The following CD2AP variants were observed in gnomAD, a reference collection of about 807,000 sequenced individuals.
The protein encoded by CD2AP is CD2-associated protein.
CD2AP carries 46 observed loss-of-function variants against 85.1 expected under a neutral mutation model. The observed-to-expected ratio is 0.54, with a 90% confidence interval of 0.43 to 0.69. The LOEUF is 0.69. Ranked by LOEUF, CD2AP falls within the 30% of genes least tolerant of loss-of-function variation. The pLI is 0.00. For missense variants in CD2AP, 769 were observed against 729.5 expected (o/e 1.05, Z -0.62); for synonymous variants, 255 against 252.9 (o/e 1.01, Z -0.08).
At chr6:47,513,472 T>G (rs1766370808) in intron 2 of CD2AP, among the ~76,000 whole-genome samples, 1 of 152,138 alleles carries the variant, frequency 6.6e-6, no homozygotes, top group African/African-American at 2.4e-5. Context: ...GCAAACTCTA[T>G]TTTTTATATA....
rs147418998 is a variant in CD2AP at position 47,523,170 on chromosome 6, C to G, written c.166-10432C>G. Reference sequence around the variant, plus strand: ...AAATGTATTGACGACTTTAATAGAACAATTCAAGAGCTAGCTTTATAATAG... The same window carrying G: ...AAATGTATTGACGACTTTAATAGAAGAATTCAAGAGCTAGCTTTATAATAG... On this transcript the variant is annotated intron_variant, in intron 2 of 17. Transcript: ENST00000359314. Among the ~76,000 whole-genome samples, 6 of 152,120 alleles carry G rather than the reference C, an allele frequency of 3.9e-5. No individual in the cohort carries two copies. The East Asian group carries it at 1.2e-3, about 29-fold the overall frequency.
At chr6:47,587,940 C>A (rs1332629224) in intron 11 of CD2AP, among the ~76,000 whole-genome samples, 4 of 152,072 alleles carry the variant, frequency 2.6e-5, no homozygotes, top group African/African-American at 9.7e-5. Flanking sequence ...CTTCTGAATT[C>A]TATTATTGTA....
At position 47,612,526 on chromosome 6, in the gene CD2AP, G is replaced by C; in HGVS notation, c.1868G>C (p.Ser623Thr). Residue 623 changes from serine (S) to threonine (T), a missense_variant, in exon 17 of 18, where the codon AGT becomes ACT. Transcript: ENST00000359314. ...KDLEEEKTMR[S>T]NLEMEIEKLK... The stretch of plus-strand genomic sequence containing the variant: ...TTGGAAGAAGAGAAGACAATGAGAA[G>C]TAATCTAGAGGTAATTAATTTCTTC... 1 of 1,605,402 alleles carries C rather than the reference G, an allele frequency of 6.2e-7. No individual in the cohort carries two copies. Among genetic ancestry groups the C allele is most frequent in the Non-Finnish European group, 8.5e-7 (1 of 1,172,574 alleles).
chr6:47,550,124 A>C (rs1039176205), intron 4 of CD2AP, among the ~76,000 whole-genome samples: 1 of 152,176 alleles, frequency 6.6e-6, no homozygotes, highest in African/African-American at 2.4e-5. Flanking sequence ...ATAACATTGG[A>C]AAAACCCTTC....
At chr6:47,484,761 A>C (rs1221945177) in intron 1 of CD2AP, among the ~76,000 whole-genome samples, 1 of 152,210 alleles carries the variant, frequency 6.6e-6, no homozygotes, top group Non-Finnish European at 1.5e-5. Flanking sequence ...TATCTGTTTT[A>C]GTGCCTTATT....
chr6:47,624,307 ATTGTGAATTCTGTTG>A lies in CD2AP; in HGVS notation c.*87_*101del. On this transcript the variant is annotated 3_prime_UTR_variant, in exon 18 of 18. Transcript: ENST00000359314. ...ACTTCAGCTGACTTGTTACTTAAAA[ATTGTGAATTCTGTTG>A]TTGTGATAAATATGAGCAAATGAAG... 9.1e-7 allele frequency: 1 copy of A among 1,095,718 alleles called. No individual in the cohort carries two copies. The highest frequency in any genetic ancestry group is 1.4e-6 in the Non-Finnish European group (1 of 711,216). The allele number at this position is 1,095,718 out of a possible 1,614,324, so 67.9% of individuals were successfully genotyped here.
chr6:47,539,156 CATA>C (rs1366078332), intron 3 of CD2AP, among the ~76,000 whole-genome samples: 1 of 152,094 alleles, frequency 6.6e-6, no homozygotes, highest in Non-Finnish European at 1.5e-5. Context: ...AGATGATAGT[CATA>C]ATTTTCTTGT....
chr6:47,570,730 T>C (rs1381361991), intron 5 of CD2AP, among the ~76,000 whole-genome samples: 2 of 152,166 alleles, frequency 1.3e-5, no homozygotes, highest in African/African-American at 4.8e-5. Context: ...AGCAATCCTG[T>C]GAAGTTCCCC....
intron 16 of CD2AP, among the ~76,000 whole-genome samples, chr6:47,611,807 G>A (rs544134004): frequency 3.0e-4 from 46 of 151,710 alleles, no homozygotes; most frequent in Non-Finnish European, 5.7e-4. Context: ...AAAAAACCTC[G>A]ATATTTGAAT....
At chr6:47,525,321 C>T (rs1178507421) in intron 2 of CD2AP, among the ~76,000 whole-genome samples, 1 of 151,954 alleles carries the variant, frequency 6.6e-6, no homozygotes, top group Non-Finnish European at 1.5e-5. Context: ...TTCTGGAAAT[C>T]CTGAATGTTA....
rs868503079 is a variant in CD2AP, at chr6:47,624,409, A to G, written c.*182A>G. 7 of 574,632 alleles carry G rather than the reference A, an allele frequency of 1.2e-5. No individual in the cohort carries two copies. In the South Asian group the frequency reaches 1.7e-4, roughly 14 times the overall value. 35.6% of individuals were successfully genotyped at this position (574,632 alleles called of 1,614,324 possible). ...TATATATATATTTTGTTTTGCCAAT[A>G]TGAAGAAAAAGAGGCCTTATTTCTT... On this transcript the variant is annotated 3_prime_UTR_variant, in exon 18 of 18. Transcript: ENST00000359314.
chr6:47,506,841 G>A (rs957313846), intron 2 of CD2AP, among the ~76,000 whole-genome samples: 2 of 149,512 alleles, frequency 1.3e-5, no homozygotes, highest in African/African-American at 5.0e-5. Context: ...GAGGGAGAGG[G>A]AGAGGGAGAG....
rs931626305 is a variant in CD2AP at position 47,579,448 on chromosome 6, A to T, written c.967A>T (p.Asn323Tyr). 3 of 1,612,866 alleles carry T rather than the reference A, an allele frequency of 1.9e-6. No individual in the cohort carries two copies. In the Admixed American group the frequency reaches 5.0e-5, roughly 27 times the overall value. Residue 323 changes from asparagine to tyrosine, a missense_variant, in exon 9 of 18, where the codon AAT becomes TAT. Coordinates refer to ENST00000359314, the MANE Select transcript of CD2AP (RefSeq NM_012120.3). The stretch of plus-strand genomic sequence containing the variant: ...TGGTAAAGAAGGAGTATTTCCAGAC[A>T]ATTTTGCTGTCCAGATAAATGAACT... ...LNGKEGVFPD[N>Y]FAVQINELDK...
intron 3 of CD2AP, among the ~76,000 whole-genome samples, chr6:47,541,082 C>G (rs9463338): frequency 6.6e-6 from 1 of 152,206 alleles, no homozygotes; most frequent in Non-Finnish European, 1.5e-5. Context: ...ACTGTGAACT[C>G]TAGGTTAGTT....
chr6:47,576,687 C>A, intron 7 of CD2AP, 85 bp downstream of exon 7: 1 of 1,014,706 alleles, frequency 9.9e-7, no homozygotes, highest in Non-Finnish European at 1.6e-6. Context: ...GCATTTGTTA[C>A]ACTGTCTTAT....
At chr6:47,542,026 A>G (rs1767227620) in intron 3 of CD2AP, among the ~76,000 whole-genome samples, 1 of 152,212 alleles carries the variant, frequency 6.6e-6, no homozygotes, top group African/African-American at 2.4e-5. Context: ...AATATCTGCC[A>G]CATCTGTCCC....
intron 11 of CD2AP, 132 bp from the exon 12 acceptor site, chr6:47,595,729 G>T: frequency 1.5e-6 from 1 of 672,300 alleles, no homozygotes; most frequent in Non-Finnish European, 2.6e-6. Context: ...CAGTGCACAT[G>T]TATACAAATA....
rs543779006 is a variant in CD2AP at position 47,499,237 on chromosome 6, G to C, written c.5-4043G>C. 3.3e-4 allele frequency among the ~76,000 whole-genome samples: 50 copies of C among 151,988 alleles called. No homozygotes were observed. In the South Asian group the frequency reaches 1.0e-2, roughly 30 times the overall value. On this transcript the variant is annotated intron_variant, in intron 1 of 17. Transcript: ENST00000359314. ...GGTATTTATGAAGTCGTGGCATTTG[G>C]TTTTCTCATTACCATTGGGATGTTG...
At chr6:47,480,688 G>A (rs950163789) in intron 1 of CD2AP, among the ~76,000 whole-genome samples, 1 of 152,018 alleles carries the variant, frequency 6.6e-6, no homozygotes, top group Non-Finnish European at 1.5e-5. Flanking sequence ...TGGCGGTGGT[G>A]ATTTTCATTT....
Sources: allele counts gnomAD v4.1 joint callset (sites outside exome capture counted in the v4.1 genomes callset), GRCh38; gene constraint gnomAD v4.1.1; transcripts MANE v1.5; gene names NCBI Gene and HGNC (gene_info 2026-07-23, HGNC 2026-07-21).